Variants in RNF170 observed in about 807,000 individuals in gnomAD.
The protein encoded by RNF170 is E3 ubiquitin-protein ligase RNF170.
In RNF170, 12 loss-of-function variants were observed where a neutral mutation model predicts 32.7. The ratio of observed to expected loss-of-function variants is 0.37; its 90% CI spans 0.24 to 0.60. RNF170 has a LOEUF of 0.60. RNF170 is among the 20% of genes least tolerant of loss of function. The probability of loss-of-function intolerance (pLI) is 0.72; values close to 1 mark genes in which losing one functional copy is unlikely to be tolerated. For missense variants in RNF170, 212 were observed against 311.2 expected, an observed-to-expected ratio of 0.68 and a Z score of 2.40; for synonymous variants, 91 against 103.6, an observed-to-expected ratio of 0.88 and a Z score of 0.74.
chr8:42,882,722 G>A lies in RNF170; in HGVS notation c.137+5006C>T, dbSNP rs1431369919. On this transcript the variant is annotated intron_variant, in intron 2 of 6. Coordinates refer to ENST00000527424, the MANE Select transcript of RNF170 (RefSeq NM_030954.4). Reference sequence around the variant, plus strand: ...GGTTACCCAGAGCTGAACCATGGGAGTTGCTACTTAGATGGGCATAAAGTT... The same window carrying A: ...GGTTACCCAGAGCTGAACCATGGGAATTGCTACTTAGATGGGCATAAAGTT... 2.0e-5 allele frequency among the ~76,000 whole-genome samples: 3 copies of A among 152,142 alleles called. No individual in the cohort carries two copies. The East Asian group carries it at 5.8e-4, about 29-fold the overall frequency.
chr8:42,867,503 C>T (rs1322397496), intron 4 of RNF170, among the ~76,000 whole-genome samples: 18 of 140,344 alleles, frequency 1.3e-4, no homozygotes, highest in African/African-American at 3.8e-4. Context: ...AGGCCGGGCG[C>T]GGTGGCTCAC....
rs577716450 is a variant in RNF170, at chr8:42,854,862, T to G, written c.*1297A>C. On this transcript the variant is annotated 3_prime_UTR_variant, in exon 7 of 7. Coordinates refer to ENST00000527424, the MANE Select transcript of RNF170 (RefSeq NM_030954.4). ...TGGTACTGAGTCTTCTCAGATACAT[T>G]CACTTGTTTGGCTCAAGACATGAAT... 1 of 1,287,254 alleles carries G rather than the reference T, an allele frequency of 7.8e-7. No individual in the cohort carries two copies. The highest frequency in any genetic ancestry group is 1.0e-6 in the Non-Finnish European group (1 of 988,698). The allele number at this position is 1,287,254 out of a possible 1,614,324, so 79.7% of individuals were successfully genotyped here. A position where few individuals can be genotyped will look rare whatever the true frequency, so the allele number is the denominator to read the frequency against.
At chr8:42,884,437 A>G (rs1009955214) in intron 2 of RNF170, among the ~76,000 whole-genome samples, 1 of 151,986 alleles carries the variant, frequency 6.6e-6, no homozygotes, top group Non-Finnish European at 1.5e-5. Context: ...TAATTCTTTA[A>G]CAAGACCAAG....
chr8:42,891,403 T>C (rs746669547), intron 1 of RNF170, among the ~76,000 whole-genome samples: 11 of 152,152 alleles, frequency 7.2e-5, no homozygotes, highest in Non-Finnish European at 1.2e-4. Context: ...CTCCTTCTAA[T>C]TGCTGATTTT....
rs192170881 is a variant in RNF170, at chr8:42,872,160, A to G, written c.213+1771T>C. 2.6e-4 allele frequency among the ~76,000 whole-genome samples: 40 copies of G among 152,334 alleles called. 1 individual carries two copies. In the Middle Eastern group the frequency reaches 0.01, roughly 39 times the overall value. ...GAGAGCTGTGTGCTGGGCCTCAGGA[A>G]GAGGTGAGGCAGTTGAGTGGACACT... is the stretch of plus-strand genomic sequence containing the variant. On this transcript the variant is annotated intron_variant, in intron 3 of 6. Coordinates refer to ENST00000527424, the MANE Select transcript of RNF170 (RefSeq NM_030954.4).
chr8:42,873,030 G>T (rs1342882467), intron 3 of RNF170, among the ~76,000 whole-genome samples: 1 of 152,106 alleles, frequency 6.6e-6, no homozygotes, highest in East Asian at 1.9e-4. Flanking sequence ...GAGTAGCTGG[G>T]ACTATAGCTG....
intron 5 of RNF170, among the ~76,000 whole-genome samples, chr8:42,863,951 A>G (rs1176583760): frequency 6.7e-6 from 1 of 149,576 alleles, no homozygotes. Flanking sequence ...AGACAGCTAC[A>G]ATAAAGGCTG....
intron 4 of RNF170, among the ~76,000 whole-genome samples, chr8:42,869,125 GCCT>G (rs1372852212): frequency 2.0e-5 from 3 of 152,070 alleles, no homozygotes; most frequent in Non-Finnish European, 4.4e-5. Context: ...GCCCAGGCTG[GCCT>G]CCAACTCCTG....
At chr8:42,852,662 G>A (rs1802971203), downstream of RNF170, among the ~76,000 whole-genome samples, 1 of 152,028 alleles carries the variant, frequency 6.6e-6, no homozygotes, top group Admixed American at 6.6e-5. Flanking sequence ...TGATCTGCCC[G>A]CCTTGGCCTC....
In RNF170 at chr8:42,854,165, T is replaced by C. The variant is rs1178533491; in HGVS notation, c.*1994A>G. On this transcript the variant is annotated 3_prime_UTR_variant, in exon 7 of 7. Coordinates refer to ENST00000527424, the MANE Select transcript of RNF170 (RefSeq NM_030954.4). Reference sequence around the variant, plus strand: ...TTGATTTGGAAGTGTAGAATTCGGATTCATGTCATCTCCACAGACCTTTCC... The same window carrying C: ...TTGATTTGGAAGTGTAGAATTCGGACTCATGTCATCTCCACAGACCTTTCC... 3.9e-6 allele frequency: 5 copies of C among 1,286,982 alleles called. No individual in the cohort carries two copies. Among genetic ancestry groups the C allele is most frequent in the Non-Finnish European group, 5.1e-6 (5 of 988,674 alleles). The allele number at this position is 1,286,982 out of a possible 1,614,324, so 79.7% of individuals were successfully genotyped here.
At chr8:42,896,453 G>T (rs747349798) in intron 1 of RNF170, 31 bp downstream of exon 1, 1 of 453,658 alleles carries the variant, frequency 2.2e-6, no homozygotes, top group African/African-American at 2.0e-5. Context: ...GCCCCGATAG[G>T]GTGGGCGTGG....
At chr8:42,876,954 CTTTTT>C (rs761345107) in intron 2 of RNF170, among the ~76,000 whole-genome samples, 1 of 124,824 alleles carries the variant, frequency 8.0e-6, no homozygotes, top group African/African-American at 3.0e-5. Flanking sequence ...TGTGCCCGGA[CTTTTT>C]TTTTTTTTTT....
chr8:42,894,068 C>A (rs1423233499), intron 1 of RNF170, among the ~76,000 whole-genome samples: 2 of 152,196 alleles, frequency 1.3e-5, no homozygotes, highest in African/African-American at 2.4e-5. Flanking sequence ...ATCTCAGTGT[C>A]TTTTTACCCC....
chr8:42,889,189 C>A (rs1043617624), intron 1 of RNF170: 1 of 152,122 alleles, frequency 6.6e-6, no homozygotes, highest in African/African-American at 2.4e-5. Context: ...GTTCAGAATT[C>A]TTTGAACTGC....
At chr8:42,860,536 C>T (rs1036026002) in intron 6 of RNF170, among the ~76,000 whole-genome samples, 23 of 151,400 alleles carry the variant, frequency 1.5e-4, no homozygotes, top group African/African-American at 5.4e-4. Flanking sequence ...GATTCTCCTG[C>T]CTCAGCCTTC....
chr8:42,865,975 ACT>A lies in RNF170; in HGVS notation c.323-488_323-487del, dbSNP rs541532737. ...ACTCCAGCCTGGGCAACAAAGCAAGACTCTGTCTCAAAAAAAACCTCCAAGTT... is the reference window on the plus strand; with the variant it reads ...ACTCCAGCCTGGGCAACAAAGCAAGACTGTCTCAAAAAAAACCTCCAAGTT... On this transcript the variant is annotated intron_variant, in intron 4 of 6. Transcript: ENST00000527424. Among the ~76,000 whole-genome samples, 12 of 152,034 alleles carry A rather than the reference ACT, an allele frequency of 7.9e-5. No individual in the cohort carries two copies. In the South Asian group the frequency reaches 1.2e-3, roughly 16 times the overall value.
At position 42,870,086 on chromosome 8, in the gene RNF170, C is replaced by A; in HGVS notation, c.240G>T (p.Gln80His). 20 of 1,614,108 alleles carry A rather than the reference C, an allele frequency of 1.2e-5. No individual in the cohort carries two copies. Among genetic ancestry groups the A allele is most frequent in the Non-Finnish European group, 1.6e-5 (19 of 1,179,988 alleles). The change falls in exon 4 of 7, where the codon CAG (glutamine) becomes CAT (histidine). Residue 80 changes from glutamine to histidine, a missense_variant. Gln to His is a conservative substitution (Grantham distance 24, BLOSUM62 0). Transcript: ENST00000527424. ...EQDAPAATRQ[Q>H]FYTDMYCPIC... The stretch of plus-strand genomic sequence containing the variant: ...TGGGACAGTACATGTCAGTGTAGAA[C>A]TGCTGTCGAGTGGCAGCAGGTGCAT...
intron 2 of RNF170, among the ~76,000 whole-genome samples, chr8:42,884,890 C>T (rs1295663226): frequency 0.22 from 100 of 460 alleles, no homozygotes; most frequent in African/African-American, 0.38. Context: ...TGAGTAGAGA[C>T]GGAGTTTCAT....
intron 6 of RNF170, among the ~76,000 whole-genome samples, chr8:42,860,782 A>G (rs1287487609): frequency 2.6e-5 from 4 of 151,662 alleles, no homozygotes; most frequent in Non-Finnish European, 5.9e-5. Context: ...CAGTGGCGTG[A>G]TATCGGCTCA....
Sources: allele counts gnomAD v4.1 joint callset (sites outside exome capture counted in the v4.1 genomes callset), GRCh38; gene constraint gnomAD v4.1.1; transcripts MANE v1.5; gene names NCBI Gene and HGNC (gene_info 2026-07-23, HGNC 2026-07-21).